CNTNAP2: variants seen among roughly 807,000 people sequenced by gnomAD.
The protein encoded by CNTNAP2 is contactin associated protein 2.
A neutral mutation model predicts 155.2 loss-of-function variants in CNTNAP2; 98 were observed. The observed-to-expected ratio is 0.63, with a 90% CI of 0.54 to 0.75. CNTNAP2 has a LOEUF of 0.75. CNTNAP2 is among the 30% of genes least tolerant of loss of function. CNTNAP2 has a pLI of 0.00. For synonymous variants in CNTNAP2, 651 were observed against 631.2 expected (o/e 1.03, Z -0.47); for missense variants, 1,727 against 1,688.1 (o/e 1.02, Z -0.40).
chr7:147,987,977 G>A (rs999706793), intron 15 of CNTNAP2, among the ~76,000 whole-genome samples: 2 of 152,174 alleles, frequency 1.3e-5, no homozygotes, highest in Non-Finnish European at 2.9e-5. Context: ...TTACATGCAT[G>A]AGCCACCACG....
intron 2 of CNTNAP2, among the ~76,000 whole-genome samples, chr7:146,813,668 A>C (rs1177985308): frequency 6.6e-6 from 1 of 152,050 alleles, no homozygotes; most frequent in East Asian, 1.9e-4. Flanking sequence ...ACTTTGGGAG[A>C]CTGTTGGAAA....
intron 13 of CNTNAP2, among the ~76,000 whole-genome samples, chr7:147,821,167 TTTA>T (rs1260087151): frequency 6.6e-6 from 1 of 152,108 alleles, no homozygotes; most frequent in African/African-American, 2.4e-5. Context: ...AATAGGAATT[TTTA>T]TTATATTTTT....
In CNTNAP2 at chr7:148,229,789, C is replaced by T. The variant is rs2116779355; in HGVS notation, c.3381+10C>T. On this transcript the variant is annotated intron_variant, in intron 20 of 23. Coordinates refer to ENST00000361727, the MANE Select transcript of CNTNAP2 (RefSeq NM_014141.6). ...GACCATCTTTCTCAAGGTATACATA[C>T]ATGTACATATAAATTACATATAATA... is the stretch of plus-strand genomic sequence containing the variant. 1.2e-6 allele frequency: 2 copies of T among 1,614,004 alleles called. No individual in the cohort carries two copies. Among genetic ancestry groups the T allele is most frequent in the African/African-American group, 1.3e-5 (1 of 75,036 alleles).
chr7:146,541,024 A>G (rs1339304057), intron 1 of CNTNAP2, among the ~76,000 whole-genome samples: 19 of 152,148 alleles, frequency 1.2e-4, no homozygotes, highest in Admixed American at 3.9e-4. Flanking sequence ...CCTATAAAGC[A>G]TAATTGTTCT....
intron 15 of CNTNAP2, among the ~76,000 whole-genome samples, chr7:148,089,866 A>C (rs182492563): frequency 2.6e-5 from 4 of 152,102 alleles, no homozygotes; most frequent in African/African-American, 9.6e-5. Flanking sequence ...ACATGACCTG[A>C]TTTTAAAACC....
intron 1 of CNTNAP2, among the ~76,000 whole-genome samples, chr7:146,699,723 T>A (rs574894601): frequency 1.3e-4 from 20 of 152,154 alleles, no homozygotes; most frequent in African/African-American, 4.3e-4. Context: ...ATCCCAGCAC[T>A]TTGGGAGGCC....
intron 21 of CNTNAP2, among the ~76,000 whole-genome samples, chr7:148,312,342 T>C (rs576900276): frequency 6.6e-6 from 1 of 152,298 alleles, no homozygotes; most frequent in African/African-American, 2.4e-5. Context: ...GTTTTTATGA[T>C]AATTATGCTG....
rs867929853 is a variant in CNTNAP2, at chr7:148,105,875, C to A, written c.2384-12243C>A. Among the ~76,000 whole-genome samples, 43 of 152,220 alleles carry A rather than the reference C, an allele frequency of 2.8e-4. 1 individual carries two copies. The highest frequency in any genetic ancestry group is 3.2e-3 in the Middle Eastern group (1 of 316). Reference sequence around the variant, plus strand: ...GTGCTGGGATTACAGGCATGTGCCACCATGCCCGGCCTTGTTTTGCATTTT... The same window carrying A: ...GTGCTGGGATTACAGGCATGTGCCAACATGCCCGGCCTTGTTTTGCATTTT... On this transcript the variant is annotated intron_variant, in intron 15 of 23. Coordinates refer to ENST00000361727, the MANE Select transcript of CNTNAP2 (RefSeq NM_014141.6).
chr7:146,203,908 C>G (rs886311227), intron 1 of CNTNAP2, among the ~76,000 whole-genome samples: 1 of 151,998 alleles, frequency 6.6e-6, no homozygotes, highest in Admixed American at 6.6e-5. Flanking sequence ...AATAACCAAC[C>G]CTGCTTATGA....
At position 146,683,257 on chromosome 7, in the gene CNTNAP2, T is replaced by C. The variant is rs1585041094; in HGVS notation, c.98-91014T>C. 2.0e-5 allele frequency among the ~76,000 whole-genome samples: 3 copies of C among 152,162 alleles called. No individual in the cohort carries two copies. In the East Asian group the frequency reaches 5.8e-4, roughly 29 times the overall value. ...CATGTTGGCCAGGCTGGTCTCAACC[T>C]CCTGACCTCAGGTGATATGCCTGCC... On this transcript the variant is annotated intron_variant, in intron 1 of 23. Transcript: ENST00000361727.
chr7:146,788,450 G>A (rs1802615096), intron 2 of CNTNAP2, among the ~76,000 whole-genome samples: 1 of 152,216 alleles, frequency 6.6e-6, no homozygotes, highest in African/African-American at 2.4e-5. Context: ...AATTCCCAGA[G>A]GAGGATGATT....
At chr7:148,051,402 C>A (rs1802886834) in intron 15 of CNTNAP2, among the ~76,000 whole-genome samples, 1 of 151,146 alleles carries the variant, frequency 6.6e-6, no homozygotes, top group African/African-American at 2.4e-5. Context: ...TGTTTTCTTT[C>A]TCTTTTCTTT....
At chr7:146,232,684 A>G (rs1799405696) in intron 1 of CNTNAP2, among the ~76,000 whole-genome samples, 1 of 152,056 alleles carries the variant, frequency 6.6e-6, no homozygotes, top group Admixed American at 6.6e-5. Flanking sequence ...CTCTCTAATA[A>G]CCCTATACAC....
chr7:147,563,427 G>A (rs1022729130), intron 12 of CNTNAP2, among the ~76,000 whole-genome samples: 9 of 151,920 alleles, frequency 5.9e-5, no homozygotes, highest in African/African-American at 9.7e-5. Context: ...TCAAGAGGTC[G>A]AGACCATTCT....
intron 1 of CNTNAP2, among the ~76,000 whole-genome samples, chr7:146,396,708 C>CATAT (rs57803192): frequency 2.8e-4 from 42 of 150,030 alleles, no homozygotes; most frequent in African/African-American, 9.0e-4. Context: ...TATTTATATA[C>CATAT]ATATATATAT....
At chr7:147,439,706 G>A (rs1206474802) in intron 10 of CNTNAP2, among the ~76,000 whole-genome samples, 1 of 151,874 alleles carries the variant, frequency 6.6e-6, no homozygotes, top group African/African-American at 2.4e-5. Context: ...TTATTGTACT[G>A]GGGACTACCT....
At chr7:146,316,089 T>C in intron 1 of CNTNAP2, among the ~76,000 whole-genome samples, 1 of 152,320 alleles carries the variant, frequency 6.6e-6, no homozygotes, top group Middle Eastern at 3.4e-3. Context: ...TCTTTTTATT[T>C]CATTTTAAGT....
intron 1 of CNTNAP2, among the ~76,000 whole-genome samples, chr7:146,593,324 A>G (rs1228122032): frequency 6.6e-6 from 1 of 152,002 alleles, no homozygotes; most frequent in Non-Finnish European, 1.5e-5. Context: ...GCTTGCATAT[A>G]TGGTTCATGT....
intron 8 of CNTNAP2, chr7:147,146,604 G>A (rs1801708524): frequency 6.6e-6 from 1 of 152,428 alleles, no homozygotes; most frequent in African/African-American, 2.4e-5. Context: ...CTGTTCTACT[G>A]TTTAATTTAG....
Sources: allele counts gnomAD v4.1 joint callset (sites outside exome capture counted in the v4.1 genomes callset), GRCh38; gene constraint gnomAD v4.1.1; transcripts MANE v1.5; gene names NCBI Gene and HGNC (gene_info 2026-07-23, HGNC 2026-07-21).